Variants in KIFAP3 observed in about 807,000 individuals in gnomAD.
KIFAP3 encodes the protein kinesin associated protein 3.
Under a neutral mutation model 106.5 loss-of-function variants are expected in KIFAP3, and 68 were observed. The observed-to-expected ratio is 0.64, with a 90% CI of 0.53 to 0.78. The LOEUF (loss-of-function observed/expected upper bound fraction) is 0.78, where lower values mean the gene tolerates loss of function less well. Among genes scored for constraint, KIFAP3 ranks in the 30% least tolerant of loss-of-function variants. The probability of loss-of-function intolerance (pLI) is 0.00; values close to 1 mark genes in which losing one functional copy is unlikely to be tolerated. For synonymous variants in KIFAP3, 320 were observed against 311.5 expected, an observed-to-expected ratio of 1.03 and a Z score of -0.29; for missense variants, 780 against 941.8, an observed-to-expected ratio of 0.83 and a Z score of 2.25.
chr1:170,055,274 C>A, intron 2 of KIFAP3, 31 bp downstream of exon 2: 1 of 1,578,316 alleles, frequency 6.3e-7, no homozygotes, highest in Admixed American at 1.9e-5. Context: ...ATGTTCACTA[C>A]TTTCAAAATG....
intron 15 of KIFAP3, among the ~76,000 whole-genome samples, chr1:169,980,976 C>T (rs1177307170): frequency 6.6e-6 from 1 of 152,274 alleles, no homozygotes; most frequent in Non-Finnish European, 1.5e-5. Context: ...TGGCGCATGC[C>T]TGTAATCCCA....
chr1:169,966,853 A>G (rs1431672634), intron 17 of KIFAP3, among the ~76,000 whole-genome samples: 2 of 151,834 alleles, frequency 1.3e-5, no homozygotes, highest in Admixed American at 1.3e-4. Flanking sequence ...TGTTTACCAA[A>G]TAAAGCATCT....
intron 2 of KIFAP3, among the ~76,000 whole-genome samples, chr1:170,048,706 C>G (rs996213611): frequency 2.6e-5 from 4 of 151,390 alleles, no homozygotes; most frequent in Admixed American, 2.6e-4. Context: ...AGCGGGGTGG[C>G]GGGGGCGTCG....
intron 10 of KIFAP3, among the ~76,000 whole-genome samples, chr1:169,995,512 G>A (rs1478604737): frequency 6.6e-6 from 1 of 151,908 alleles, no homozygotes; most frequent in African/African-American, 2.4e-5. Flanking sequence ...CTCTAGTAAT[G>A]GATTCACTGA....
At chr1:169,924,390 G>C (rs940203716) in intron 19 of KIFAP3, among the ~76,000 whole-genome samples, 3 of 151,990 alleles carry the variant, frequency 2.0e-5, no homozygotes, top group African/African-American at 7.3e-5. Context: ...TATCGTTTTG[G>C]AAAAAAGGAA....
chr1:170,028,400 C>T (rs559243366), intron 8 of KIFAP3, among the ~76,000 whole-genome samples: 12 of 152,134 alleles, frequency 7.9e-5, no homozygotes, highest in East Asian at 1.9e-4. Context: ...TGCAATGGTG[C>T]GATCTTGGCT....
At chr1:170,050,386 C>T (rs761029929) in intron 2 of KIFAP3, among the ~76,000 whole-genome samples, 10 of 152,152 alleles carry the variant, frequency 6.6e-5, no homozygotes, top group Middle Eastern at 3.2e-3. Context: ...CTGAAAGTGA[C>T]AGGGAGAATG....
At chr1:170,065,590 G>T (rs1671400353) in intron 1 of KIFAP3, among the ~76,000 whole-genome samples, 1 of 142,472 alleles carries the variant, frequency 7.0e-6, no homozygotes, top group Non-Finnish European at 1.5e-5. Context: ...CTCCAGCCTG[G>T]GCGACAGAGC....
At chr1:169,981,893 G>T in intron 15 of KIFAP3, 79 bp downstream of exon 15, 2 of 1,178,146 alleles carry the variant, frequency 1.7e-6, no homozygotes, top group East Asian at 2.6e-5. Flanking sequence ...ACAGATTACA[G>T]ACTCTGCATT....
At chr1:170,001,878 A>G (rs904146531) in intron 10 of KIFAP3, among the ~76,000 whole-genome samples, 6 of 152,170 alleles carry the variant, frequency 3.9e-5, no homozygotes, top group Admixed American at 1.3e-4. Flanking sequence ...TTCACAAAAT[A>G]AAGTTTCATT....
chr1:169,963,937 GAT>G (rs1665470820), intron 17 of KIFAP3, among the ~76,000 whole-genome samples: 1 of 151,940 alleles, frequency 6.6e-6, no homozygotes, highest in South Asian at 2.1e-4. Flanking sequence ...TTATTCAACT[GAT>G]AGTTTTAATA....
chr1:170,074,487 T>A lies in KIFAP3; in HGVS notation c.-20A>T, dbSNP rs760053233. On this transcript the variant is annotated 5_prime_UTR_variant, in exon 1 of 20. Coordinates refer to ENST00000361580, the MANE Select transcript of KIFAP3 (RefSeq NM_014970.4). Reference sequence around the variant, plus strand: ...TTGCATGGCGGCAGCGGCAGCGGCGTGGAGAGGATGGGGTATCTTGAGAGG... The same window carrying A: ...TTGCATGGCGGCAGCGGCAGCGGCGAGGAGAGGATGGGGTATCTTGAGAGG... The A allele has an allele frequency of 5.0e-6, 8 of 1,593,732 alleles. No homozygotes were observed. Among genetic ancestry groups the A allele is most frequent in the South Asian group, 2.2e-5 (2 of 90,468 alleles).
At chr1:169,964,568 C>T (rs1029063588) in intron 17 of KIFAP3, among the ~76,000 whole-genome samples, 6 of 152,134 alleles carry the variant, frequency 3.9e-5, no homozygotes, top group African/African-American at 1.2e-4. Context: ...GAAGAAGTAG[C>T]TTCTGGTCTG....
intron 11 of KIFAP3, among the ~76,000 whole-genome samples, chr1:169,988,283 A>G (rs1666939758): frequency 6.6e-6 from 1 of 152,042 alleles, no homozygotes; most frequent in Admixed American, 6.6e-5. Flanking sequence ...GGTGACAAAG[A>G]TTTTACTAAG....
At chr1:169,943,922 C>G (rs974736619) in intron 19 of KIFAP3, among the ~76,000 whole-genome samples, 2 of 152,124 alleles carry the variant, frequency 1.3e-5, no homozygotes, top group Non-Finnish European at 2.9e-5. Flanking sequence ...TTTAAAGGTT[C>G]CAGTCATATT....
chr1:170,004,804 C>T (rs1293467959), intron 10 of KIFAP3, among the ~76,000 whole-genome samples: 3 of 150,710 alleles, frequency 2.0e-5, no homozygotes, highest in Admixed American at 1.3e-4. Flanking sequence ...TGGGCAAGGA[C>T]TTCATGTCTA....
chr1:169,967,856 T>G (rs759770803), intron 17 of KIFAP3, among the ~76,000 whole-genome samples: 1 of 151,642 alleles, frequency 6.6e-6, no homozygotes, highest in African/African-American at 2.4e-5. Context: ...TCTAACCCCA[T>G]CCACCAATCT....
chr1:170,013,480 T>TAC (rs145033371), intron 10 of KIFAP3, among the ~76,000 whole-genome samples: 15,317 of 120,908 alleles, frequency 0.13, 932 homozygotes, highest in Admixed American at 0.2. Flanking sequence ...CTGACATACA[T>TAC]ATATATATAT....
At chr1:170,077,012 A>G (rs1671931609), upstream of KIFAP3, among the ~76,000 whole-genome samples, 1 of 152,174 alleles carries the variant, frequency 6.6e-6, no homozygotes, top group Admixed American at 6.5e-5. Context: ...AAATGCACCA[A>G]TCAGCACTCT....
Sources: allele counts gnomAD v4.1 joint callset (sites outside exome capture counted in the v4.1 genomes callset), GRCh38; gene constraint gnomAD v4.1.1; transcripts MANE v1.5; gene names NCBI Gene and HGNC (gene_info 2026-07-23, HGNC 2026-07-21).